The following NUP160 variants were observed in gnomAD, a reference collection of about 807,000 sequenced individuals.
NUP160 encodes the protein nuclear pore complex protein Nup160.
Under a neutral mutation model 196.9 loss-of-function variants are expected in NUP160, and 94 were observed. That is an observed-to-expected ratio of 0.48 (90% confidence interval 0.40 to 0.57). The LOEUF is 0.57. Among genes scored for constraint, NUP160 ranks in the 20% least tolerant of loss-of-function variants. The probability of loss-of-function intolerance (pLI) is 0.00; values close to 1 mark genes in which losing one functional copy is unlikely to be tolerated. For synonymous variants in NUP160, 605 were observed against 619.7 expected (o/e 0.98, Z 0.35); for missense variants, 1,638 against 1,748.3 (o/e 0.94, Z 1.13).
intron 13 of NUP160, among the ~76,000 whole-genome samples, chr11:47,814,483 G>C (rs1757280473): frequency 6.6e-6 from 1 of 151,126 alleles, no homozygotes; most frequent in South Asian, 2.1e-4. Context: ...GGAGGTTGCA[G>C]TGAGCCGAGA....
At chr11:47,804,851 A>G (rs1272551202) in intron 20 of NUP160, among the ~76,000 whole-genome samples, 1 of 151,998 alleles carries the variant, frequency 6.6e-6, no homozygotes, top group Non-Finnish European at 1.5e-5. Context: ...TAAAGCATCT[A>G]TTTCACCAGG....
chr11:47,822,080 A>C lies in NUP160; in HGVS notation c.1179+7T>G, dbSNP rs753078321. On this transcript the variant is annotated splice_region_variant and intron_variant, in intron 8 of 35. Transcript: ENST00000378460. Reference sequence around the variant, plus strand: ...TTATGTGATATGCAAAGGATGAATCAACCTACCTGAGAAGTGAACAGTGAA... The same window carrying C: ...TTATGTGATATGCAAAGGATGAATCCACCTACCTGAGAAGTGAACAGTGAA... 4 of 1,582,470 alleles carry C rather than the reference A, an allele frequency of 2.5e-6. No individual in the cohort carries two copies. Among genetic ancestry groups the C allele is most frequent in the Non-Finnish European group, 3.5e-6 (4 of 1,154,322 alleles).
At chr11:47,799,435 A>C (rs1027180795) in intron 23 of NUP160, among the ~76,000 whole-genome samples, 4 of 151,994 alleles carry the variant, frequency 2.6e-5, no homozygotes, top group African/African-American at 7.2e-5. Context: ...CCGCTACCCT[A>C]ACCATGCACA....
At chr11:47,782,812 C>T (rs1456324757) in intron 34 of NUP160, among the ~76,000 whole-genome samples, 1 of 152,120 alleles carries the variant, frequency 6.6e-6, no homozygotes, top group African/African-American at 2.4e-5. Context: ...GTACGTGCCA[C>T]TGCATCTGGC....
chr11:47,831,919 T>G (rs1168661659), intron 7 of NUP160, among the ~76,000 whole-genome samples: 1 of 34,114 alleles, frequency 2.9e-5, no homozygotes, highest in Non-Finnish European at 5.7e-5. Flanking sequence ...TTTTTTTTTT[T>G]TGAGACAGAA....
In NUP160 at chr11:47,791,997, A is replaced by G. The variant is rs1447828164; in HGVS notation, c.3451-7T>C. Reference sequence around the variant, plus strand: ...ATGCTCCAGGGCGATCATACTGATAAAACAAAACAAGCAATTTAACTGTGA... The same window carrying G: ...ATGCTCCAGGGCGATCATACTGATAGAACAAAACAAGCAATTTAACTGTGA... On this transcript the variant is annotated splice_polypyrimidine_tract_variant and splice_region_variant and intron_variant, in intron 28 of 35. Transcript: ENST00000378460. 2.5e-6 allele frequency: 4 copies of G among 1,597,672 alleles called. No homozygotes were observed. The highest frequency in any genetic ancestry group is 3.4e-6 in the Non-Finnish European group (4 of 1,169,764).
At chr11:47,785,152 T>G (rs1278855367) in intron 32 of NUP160, 89 bp from the exon 33 acceptor site, 1 of 590,458 alleles carries the variant, frequency 1.7e-6, no homozygotes, top group Admixed American at 3.4e-5. Flanking sequence ...AAGGAAAACT[T>G]TTTTTTCAGA....
Position 47,806,852 on chromosome 11 carries a change from C to T in NUP160, c.2446+218G>A, listed in dbSNP as rs3837374. On this transcript the variant is annotated intron_variant, in intron 19 of 35. Coordinates refer to ENST00000378460, the Ensembl canonical transcript of NUP160. ...ACACACACACACACACACACACACA[C>T]ATATATATACCATATCCTTAACATA... 0.5 allele frequency among the ~76,000 whole-genome samples: 60,444 copies of T among 119,714 alleles called. 15,209 individuals carry two copies. The highest frequency in any genetic ancestry group is 0.59 in the Middle Eastern group (134 of 226). The allele number at this position is 119,714 out of a possible 152,430, so 78.5% of individuals were successfully genotyped here. A position where few individuals can be genotyped will look rare whatever the true frequency, so the allele number is the denominator to read the frequency against.
At chr11:47,789,975 C>T (rs7117406) in intron 29 of NUP160, among the ~76,000 whole-genome samples, 4,362 of 139,384 alleles carry the variant, frequency 0.031, 225 homozygotes, top group African/African-American at 0.11. Context: ...GACAGAGTTT[C>T]GCCCTTATTG....
At chr11:47,805,827 G>C (rs918975603) in intron 20 of NUP160, among the ~76,000 whole-genome samples, 1 of 151,528 alleles carries the variant, frequency 6.6e-6, no homozygotes, top group African/African-American at 2.4e-5. Flanking sequence ...GAAGAGAGCT[G>C]CTTTTTTTTT....
At chr11:47,832,115 G>A (rs1398931713) in intron 7 of NUP160, among the ~76,000 whole-genome samples, 1 of 151,646 alleles carries the variant, frequency 6.6e-6, no homozygotes, top group Non-Finnish European at 1.5e-5. Flanking sequence ...TTGGCCAGGA[G>A]GGTCTCGATC....
rs143821590 is a variant in NUP160 at position 47,834,451 on chromosome 11, T to C, written c.1101+1200A>G. 2.4e-4 allele frequency among the ~76,000 whole-genome samples: 37 copies of C among 152,304 alleles called. No individual in the cohort carries two copies. The East Asian group carries it at 5.2e-3, about 21-fold the overall frequency. On this transcript the variant is annotated intron_variant, in intron 7 of 35. Coordinates refer to ENST00000378460, the Ensembl canonical transcript of NUP160. ...TCCAGAAGAGAGAATAGAACAATTA[T>C]GTGCAATCAAGATAAATGTCTTGAT...
exon 31 of NUP160, chr11:47,788,258 G>C (rs902194534): frequency 6.2e-7 from 1 of 1,614,018 alleles, no homozygotes. Flanking sequence ...GTGTCAAAGA[G>C]GCCCGCCTGA....
Position 47,813,309 on chromosome 11 carries a change from C to T in NUP160, c.1786+7G>A. 1 of 1,546,466 alleles carries T rather than the reference C, an allele frequency of 6.5e-7. No homozygotes were observed. The highest frequency in any genetic ancestry group is 8.9e-7 in the Non-Finnish European group (1 of 1,118,750). ...GGATTAAATATGGACATAACAATTACTATTACCATCAGATATGGTTGTCTC... is the reference window on the plus strand; with the variant it reads ...GGATTAAATATGGACATAACAATTATTATTACCATCAGATATGGTTGTCTC... On this transcript the variant is annotated splice_region_variant and intron_variant, in intron 14 of 35. Transcript: ENST00000378460.
intron 7 of NUP160, among the ~76,000 whole-genome samples, chr11:47,826,813 T>C (rs1053996749): frequency 3.9e-5 from 6 of 152,148 alleles, no homozygotes; most frequent in African/African-American, 1.4e-4. Context: ...TCTGCCCGCC[T>C]TGGCCTCCCA....
At chr11:47,813,793 C>T (rs761780002) in intron 13 of NUP160, among the ~76,000 whole-genome samples, 7 of 150,378 alleles carry the variant, frequency 4.7e-5, no homozygotes, top group Non-Finnish European at 7.4e-5. Context: ...GCCACTGGGC[C>T]GGGCGCAGTG....
chr11:47,793,727 T>G (rs12808892), intron 27 of NUP160, among the ~76,000 whole-genome samples: 3,983 of 18,380 alleles, frequency 0.22, 199 homozygotes, highest in African/African-American at 0.3. Context: ...TATCTGTTTT[T>G]TTTTTTTTTT....
At chr11:47,844,769 A>C (rs927993625) in intron 2 of NUP160, among the ~76,000 whole-genome samples, 7 of 152,250 alleles carry the variant, frequency 4.6e-5, no homozygotes, top group Non-Finnish European at 7.3e-5. Flanking sequence ...GGGTAAAACA[A>C]GACTGAAACC....
intron 27 of NUP160, among the ~76,000 whole-genome samples, chr11:47,794,302 G>A (rs539431590): frequency 6.6e-6 from 1 of 152,108 alleles, no homozygotes; most frequent in South Asian, 2.1e-4. Context: ...GACCATCCTG[G>A]CCAACAGGGT....
Sources: allele counts gnomAD v4.1 joint callset (sites outside exome capture counted in the v4.1 genomes callset), GRCh38; gene constraint gnomAD v4.1.1; transcripts MANE v1.5; gene names NCBI Gene and HGNC (gene_info 2026-07-23, HGNC 2026-07-21).